Variants in RELN observed in about 807,000 individuals in gnomAD.
RELN encodes the protein reelin.
In RELN, 108 loss-of-function variants were observed where a neutral mutation model predicts 427.6. The ratio of observed to expected loss-of-function variants is 0.25; its 90% CI spans 0.22 to 0.30. RELN has a LOEUF of 0.30. Ranked by LOEUF, RELN falls within the 10% of genes least tolerant of loss-of-function variation. The probability of loss-of-function intolerance (pLI) is 1.00; values close to 1 mark genes in which losing one functional copy is unlikely to be tolerated. For missense variants in RELN, 3,715 were observed against 4,302.8 expected (o/e 0.86, Z 3.82); for synonymous variants, 1,524 against 1,513.4 (o/e 1.01, Z -0.16).
chr7:103,929,281 G>T (rs768440494), intron 1 of RELN, among the ~76,000 whole-genome samples: 1 of 152,092 alleles, frequency 6.6e-6, no homozygotes, highest in South Asian at 2.1e-4. Flanking sequence ...CAGTGTCTAG[G>T]CCATCTCATT....
chr7:103,629,820 G>A, intron 20 of RELN, 120 bp downstream of exon 20: 1 of 776,442 alleles, frequency 1.3e-6, no homozygotes, highest in East Asian at 2.5e-5. Context: ...CTGTTTTCAA[G>A]TAGTTCCTAT....
chr7:103,645,570 G>T (rs1445969266), intron 16 of RELN, among the ~76,000 whole-genome samples: 1 of 151,810 alleles, frequency 6.6e-6, no homozygotes, highest in Non-Finnish European at 1.5e-5. Context: ...TCAACAAGAA[G>T]ATATAGTAGC....
At chr7:103,576,954 G>A (rs532416494) in intron 28 of RELN, among the ~76,000 whole-genome samples, 30 of 150,594 alleles carry the variant, frequency 2.0e-4, no homozygotes, top group Non-Finnish European at 4.0e-4. Flanking sequence ...GTGCACACAC[G>A]CACACACACA....
Position 103,658,469 on chromosome 7 carries a change from C to G in RELN, c.1441+2907G>C, listed in dbSNP as rs563929077. ...GTGTTTTCTATAGGTCCAGTCCTATCCTATCTATCCTGCCCTATCGTATCC... is the reference window on the plus strand; with the variant it reads ...GTGTTTTCTATAGGTCCAGTCCTATGCTATCTATCCTGCCCTATCGTATCC... On this transcript the variant is annotated intron_variant, in intron 12 of 64. Coordinates refer to ENST00000428762, the MANE Select transcript of RELN (RefSeq NM_005045.4). Among the ~76,000 whole-genome samples the G allele has an allele frequency of 1.4e-3, 209 of 152,188 alleles. 1 individual carries two copies. Among genetic ancestry groups the G allele is most frequent in the African/African-American group, 4.9e-3 (203 of 41,544 alleles).
Position 103,589,709 on chromosome 7 carries a change from G to A in RELN, c.4032C>T (p.Gly1344=), listed in dbSNP as rs751196307. Residue 1344 remains glycine, a synonymous_variant, in exon 28 of 65, where the codon GGC becomes GGT. Transcript: ENST00000428762. ...CTCTGGAGTTTCCTTCGCATCCTTT[G>A]CCTGCAGAAGCCGGGTAACAGCCTT... is the stretch of plus-strand genomic sequence containing the variant. ...VKEGCYPASA[G]KGCEGNSREL... is the part of the protein sequence containing the mutation. 5.0e-6 allele frequency: 8 copies of A among 1,613,802 alleles called. No individual in the cohort carries two copies. In the East Asian group the frequency reaches 1.6e-4, roughly 31 times the overall value.
rs377172612 is a variant in RELN, at chr7:103,782,938, CA to C, written c.474-6312del. Among the ~76,000 whole-genome samples the C allele has an allele frequency of 1.2e-4, 19 of 152,184 alleles. No individual in the cohort carries two copies. The East Asian group carries it at 3.1e-3, about 25-fold the overall frequency. On this transcript the variant is annotated intron_variant, in intron 3 of 64. Transcript: ENST00000428762. The stretch of plus-strand genomic sequence containing the variant: ...TATATTAGTTGACTTGTCCATTTTA[CA>C]GCTGGAAGAGCATTCGTTAATCAGC...
At chr7:103,499,395 C>T (rs1828947055) in intron 53 of RELN, among the ~76,000 whole-genome samples, 1 of 152,170 alleles carries the variant, frequency 6.6e-6, no homozygotes, top group Admixed American at 6.5e-5. Context: ...ATTCTGTCTA[C>T]AGTACTTTCA....
chr7:103,920,638 A>G (rs568432819), intron 1 of RELN, among the ~76,000 whole-genome samples: 30 of 147,324 alleles, frequency 2.0e-4, no homozygotes, highest in African/African-American at 7.4e-4. Flanking sequence ...CAGTGGCACA[A>G]TCTCAGCTCA....
intron 1 of RELN, among the ~76,000 whole-genome samples, chr7:103,955,110 A>G (rs946983813): frequency 3.3e-5 from 5 of 152,152 alleles, no homozygotes; most frequent in Admixed American, 3.3e-4. Flanking sequence ...AACTACTTAT[A>G]TTTTTCAAAT....
chr7:103,604,241 T>C (rs1429927650), intron 23 of RELN, 105 bp downstream of exon 23: 3 of 1,338,370 alleles, frequency 2.2e-6, no homozygotes, highest in East Asian at 2.3e-5. Context: ...GGCTATGTCA[T>C]TATTTATCGG....
chr7:103,542,946 A>G (rs1167947864), intron 42 of RELN, 68 bp from the exon 43 acceptor site: 5 of 1,484,968 alleles, frequency 3.4e-6, no homozygotes, highest in Non-Finnish European at 4.7e-6. Flanking sequence ...TATTTTTAAA[A>G]GGAGTATGGT....
At chr7:103,491,878 A>T (rs1416802237) in intron 58 of RELN, 75 bp downstream of exon 58, 16 of 817,878 alleles carry the variant, frequency 2.0e-5, no homozygotes, top group Non-Finnish European at 2.6e-5. Flanking sequence ...ACACACACAC[A>T]CACACACACA....
intron 20 of RELN, among the ~76,000 whole-genome samples, chr7:103,623,579 C>T (rs1832265200): frequency 6.6e-6 from 1 of 152,174 alleles, no homozygotes; most frequent in African/African-American, 2.4e-5. Context: ...CAACACAATC[C>T]TTACATTAGT....
At chr7:103,923,300 T>TA (rs199877848) in intron 1 of RELN, among the ~76,000 whole-genome samples, 5 of 152,118 alleles carry the variant, frequency 3.3e-5, no homozygotes, top group Non-Finnish European at 5.9e-5. Context: ...ATAGAGACCA[T>TA]AAAAAAATAC....
At chr7:103,560,653 CA>C (rs1272724798) in intron 36 of RELN, among the ~76,000 whole-genome samples, 2 of 152,256 alleles carry the variant, frequency 1.3e-5, no homozygotes, top group Non-Finnish European at 2.9e-5. Context: ...CCGCTGCCCC[CA>C]AAACCAGGAG....
At chr7:103,636,211 G>A (rs777581267) in intron 18 of RELN, 24 bp downstream of exon 18, 39 of 1,463,254 alleles carry the variant, frequency 2.7e-5, no homozygotes, top group Admixed American at 2.4e-4. Context: ...GTTTTTGTAT[G>A]TATTCTACCC....
chr7:103,852,638 G>A (rs1793851387), intron 2 of RELN, among the ~76,000 whole-genome samples: 1 of 151,760 alleles, frequency 6.6e-6, no homozygotes, highest in South Asian at 2.1e-4. Context: ...TTCTTTTCTG[G>A]CAAAGAAACT....
At chr7:103,733,383 G>A (rs1442863939) in intron 6 of RELN, among the ~76,000 whole-genome samples, 1 of 140,896 alleles carries the variant, frequency 7.1e-6, no homozygotes, top group Non-Finnish European at 1.6e-5. Flanking sequence ...TCAGTGTGGC[G>A]ATTCCTCAGG....
At chr7:103,567,202 T>C (rs1830773415) in intron 31 of RELN, among the ~76,000 whole-genome samples, 1 of 152,236 alleles carries the variant, frequency 6.6e-6, no homozygotes, top group African/African-American at 2.4e-5. Flanking sequence ...GGTATGAAAT[T>C]CTATTAAGCA....
Sources: gnomAD v4.1 joint callset for allele counts (sites outside exome capture counted in the v4.1 genomes callset) on GRCh38, gnomAD v4.1.1 for gene constraint, MANE v1.5 for transcripts, NCBI Gene and HGNC (gene_info 2026-07-23, HGNC 2026-07-21) for gene names.